GLDN: variants seen among roughly 807,000 people sequenced by gnomAD.
GLDN encodes collomin.
Under a neutral mutation model 56.5 loss-of-function variants are expected in GLDN, and 47 were observed. That is an observed-to-expected ratio of 0.83 (90% confidence interval 0.66 to 1.06). GLDN has a LOEUF of 1.06. GLDN is among the 50% of genes least tolerant of loss of function. The pLI is 0.00. For synonymous variants in GLDN, 332 were observed against 278.8 expected (o/e 1.19, Z -1.90); for missense variants, 782 against 714.3 (o/e 1.09, Z -1.08).
chr15:51,392,218 C>T (rs973576040), intron 4 of GLDN, among the ~76,000 whole-genome samples: 1 of 152,174 alleles, frequency 6.6e-6, no homozygotes, highest in African/African-American at 2.4e-5. Context: ...AGACCCATAT[C>T]GGTCCATGAC....
intron 4 of GLDN, among the ~76,000 whole-genome samples, chr15:51,391,603 G>A (rs138555582): frequency 6.8e-4 from 104 of 152,332 alleles, no homozygotes; most frequent in Middle Eastern, 3.4e-3. Context: ...AAGAGGGCCG[G>A]GCAGAAGGGC....
chr15:51,397,621 G>T, intron 6 of GLDN, 23 bp downstream of exon 6: 1 of 1,538,594 alleles, frequency 6.5e-7, no homozygotes, highest in Non-Finnish European at 8.8e-7. Flanking sequence ...CCCCTACGGG[G>T]CCCACCTCTT....
At chr15:51,379,519 G>A (rs953490510) in intron 2 of GLDN, among the ~76,000 whole-genome samples, 1 of 152,206 alleles carries the variant, frequency 6.6e-6, no homozygotes, top group Non-Finnish European at 1.5e-5. Flanking sequence ...GATCAATGCT[G>A]CTGAGCACAG....
At chr15:51,401,787 C>T in intron 9 of GLDN, 44 bp downstream of exon 9, 1 of 1,586,358 alleles carries the variant, frequency 6.3e-7, no homozygotes, top group Non-Finnish European at 8.6e-7. Context: ...CAGGCAGCAC[C>T]TGTGCTGTGG....
intron 5 of GLDN, among the ~76,000 whole-genome samples, chr15:51,396,842 T>C (rs1292687625): frequency 1.3e-5 from 2 of 152,218 alleles, no homozygotes; most frequent in Admixed American, 6.5e-5. Flanking sequence ...TTAGTACATT[T>C]TGTTTCATTA....
chr15:51,345,003 G>A (rs947005570), intron 1 of GLDN, among the ~76,000 whole-genome samples: 1 of 151,654 alleles, frequency 6.6e-6, no homozygotes, highest in Non-Finnish European at 1.5e-5. Flanking sequence ...CCTGGATGGG[G>A]CTTGGAAACT....
chr15:51,366,957 T>A (rs1211560247), intron 1 of GLDN, among the ~76,000 whole-genome samples: 1 of 152,194 alleles, frequency 6.6e-6, no homozygotes, highest in African/African-American at 2.4e-5. Context: ...ACCAAATGTG[T>A]TTCGATAACA....
Position 51,394,846 on chromosome 15 carries a change from G to C in GLDN, c.553G>C (p.Ala185Pro), listed in dbSNP as rs1048359472. The C allele has an allele frequency of 6.2e-7, 1 of 1,613,834 alleles. No individual in the cohort carries two copies. Among genetic ancestry groups the C allele is most frequent in the Admixed American group, 1.7e-5 (1 of 59,972 alleles). Residue 185 changes from alanine (A) to proline (P), a missense_variant, in exon 5 of 10, where the codon GCT (alanine) becomes CCT (proline). Ala to Pro is a conservative substitution (Grantham distance 27). Transcript: ENST00000335449. Reference protein sequence around the residue: ...GKRGKMGIPGAAGNPGERGEK... With the variant: ...GKRGKMGIPGPAGNPGERGEK... ...GTTTTTTTGGTCAGGGATACCTGGA[G>C]CTGCAGGAAATCCAGGGGAAAGGGG...
At chr15:51,344,329 A>G (rs4143081) in intron 1 of GLDN, among the ~76,000 whole-genome samples, 2 of 152,034 alleles carry the variant, frequency 1.3e-5, no homozygotes, top group African/African-American at 2.4e-5. Context: ...CTCCCACCAG[A>G]CCCCATCAAG....
rs145247464 is a variant in GLDN at position 51,392,019 on chromosome 15, G to A, written c.542-2816G>A. Among the ~76,000 whole-genome samples, 1,518 of 152,292 alleles carry A rather than the reference G, an allele frequency of 1.0e-2. 13 individuals carry two copies. The highest frequency in any genetic ancestry group is 0.016 in the Non-Finnish European group (1,096 of 68,026). Reference sequence around the variant, plus strand: ...CTACAGTTTTCTTCTAACAGTGATCGACACTTTGAGGCTTTTCCATGCACT... The same window carrying A: ...CTACAGTTTTCTTCTAACAGTGATCAACACTTTGAGGCTTTTCCATGCACT... On this transcript the variant is annotated intron_variant, in intron 4 of 9. Transcript: ENST00000335449.
At chr15:51,382,726 CA>C (rs576743825) in intron 2 of GLDN, among the ~76,000 whole-genome samples, 1,656 of 82,646 alleles carry the variant, frequency 0.02, 32 homozygotes, top group East Asian at 0.15. Flanking sequence ...ACTCTGTCTC[CA>C]AAAAAAAAAA....
In GLDN at chr15:51,388,238, G is replaced by C. The variant is rs538320018; in HGVS notation, c.541+4346G>C. ...GACCCCTTCCTGAAATCACCCCATG[G>C]TGATTATTTGTTGTTGTACTGACAG... On this transcript the variant is annotated intron_variant, in intron 4 of 9. Transcript: ENST00000335449. Among the ~76,000 whole-genome samples, 3 of 152,248 alleles carry C rather than the reference G, an allele frequency of 2.0e-5. No homozygotes were observed. The South Asian group carries it at 6.2e-4, about 32-fold the overall frequency.
At chr15:51,378,058 T>G (rs2037673951) in intron 2 of GLDN, among the ~76,000 whole-genome samples, 1 of 152,140 alleles carries the variant, frequency 6.6e-6, no homozygotes, top group Non-Finnish European at 1.5e-5. Context: ...TTGCATCAGG[T>G]TGTAGGAAGC....
intron 9 of GLDN, among the ~76,000 whole-genome samples, chr15:51,403,201 A>G (rs1595842792): frequency 6.6e-6 from 1 of 152,076 alleles, no homozygotes; most frequent in African/African-American, 2.4e-5. Flanking sequence ...GCTGAATTCG[A>G]CCCTGTAATT....
At chr15:51,384,450 A>G (rs1381536408) in intron 4 of GLDN, 1 of 161,488 alleles carries the variant, frequency 6.2e-6, no homozygotes, top group Non-Finnish European at 1.3e-5. Context: ...AACTATGAAG[A>G]TATGGCTGGC....
chr15:51,383,966 G>C, intron 4 of GLDN, 74 bp downstream of exon 4: 2 of 1,102,304 alleles, frequency 1.8e-6, no homozygotes, highest in Non-Finnish European at 2.7e-6. Context: ...GACTAAAACT[G>C]TGTGCAGCAG....
At chr15:51,367,917 A>G (rs911010255) in intron 1 of GLDN, among the ~76,000 whole-genome samples, 3 of 152,202 alleles carry the variant, frequency 2.0e-5, no homozygotes, top group Admixed American at 2.0e-4. Flanking sequence ...TGATAGAGAC[A>G]GGAAGGGGAT....
At chr15:51,402,679 ACC>A (rs1348479533) in intron 9 of GLDN, among the ~76,000 whole-genome samples, 1 of 152,180 alleles carries the variant, frequency 6.6e-6, no homozygotes, top group Non-Finnish European at 1.5e-5. Flanking sequence ...TCCTTCTCCT[ACC>A]CTTAGTGAGG....
intron 5 of GLDN, among the ~76,000 whole-genome samples, chr15:51,396,052 G>A (rs1318342428): frequency 6.6e-6 from 1 of 152,122 alleles, no homozygotes; most frequent in African/African-American, 2.4e-5. Context: ...ACCTCCCACA[G>A]ACCCCACCTC....
Sources: gnomAD v4.1 joint callset for allele counts (sites outside exome capture counted in the v4.1 genomes callset) on GRCh38, gnomAD v4.1.1 for gene constraint, MANE v1.5 for transcripts, NCBI Gene and HGNC (gene_info 2026-07-23, HGNC 2026-07-21) for gene names.